OSBPL10: variants seen among roughly 807,000 people sequenced by gnomAD.
OSBPL10 encodes the protein oxysterol binding protein like 10.
Under a neutral mutation model 81.7 loss-of-function variants are expected in OSBPL10, and 49 were observed. That is an observed-to-expected ratio of 0.60 (90% CI 0.48 to 0.76). The LOEUF (loss-of-function observed/expected upper bound fraction) is 0.76, where lower values mean the gene tolerates loss of function less well. Among genes scored for constraint, OSBPL10 ranks in the 30% least tolerant of loss-of-function variants. OSBPL10 has a pLI of 0.00. For missense variants in OSBPL10, 923 were observed against 987.8 expected (o/e 0.93, Z 0.88); for synonymous variants, 419 against 383.6 (o/e 1.09, Z -1.08).
intron 2 of OSBPL10, among the ~76,000 whole-genome samples, chr3:32,022,445 G>T (rs1017757366): frequency 1.3e-5 from 2 of 152,096 alleles, no homozygotes; most frequent in Admixed American, 6.5e-5. Flanking sequence ...TAAAAAGGTG[G>T]GACATCTTGA....
At chr3:31,816,100 G>A (rs985677286) in intron 4 of OSBPL10, among the ~76,000 whole-genome samples, 1 of 75,876 alleles carries the variant, frequency 1.3e-5, no homozygotes, top group African/African-American at 3.9e-5. Context: ...AGGTTTGAAA[G>A]GTATAAAGTC....
chr3:31,733,738 G>T (rs1478980403), intron 5 of OSBPL10, among the ~76,000 whole-genome samples: 1 of 145,148 alleles, frequency 6.9e-6, no homozygotes, highest in Admixed American at 7.0e-5. Flanking sequence ...TTCTGGCCAG[G>T]TGCGGTGGCT....
At chr3:31,670,694 A>G (rs1188805031) in intron 9 of OSBPL10, 103 bp downstream of exon 9, 2 of 1,298,304 alleles carry the variant, frequency 1.5e-6, no homozygotes, top group East Asian at 4.7e-5. Flanking sequence ...GTTTATCTTG[A>G]TTTTCAACTC....
chr3:31,730,059 G>C (rs1184415476), intron 6 of OSBPL10, among the ~76,000 whole-genome samples: 1 of 152,152 alleles, frequency 6.6e-6, no homozygotes, highest in Non-Finnish European at 1.5e-5. Context: ...AGTTAAGAGA[G>C]TGGCCGGGCA....
At chr3:32,059,610 A>C (rs1424344666) in intron 1 of OSBPL10, among the ~76,000 whole-genome samples, 1 of 147,260 alleles carries the variant, frequency 6.8e-6, no homozygotes, top group Non-Finnish European at 1.5e-5. Context: ...AAACAAAACA[A>C]AACAAAAAAC....
Position 31,710,105 on chromosome 3 carries a change from C to T in OSBPL10, c.1096-7597G>A, listed in dbSNP as rs563542665. Among the ~76,000 whole-genome samples the T allele has an allele frequency of 1.3e-5, 2 of 152,280 alleles. 1 individual carries two copies. The highest frequency in any genetic ancestry group is 4.1e-4 in the South Asian group (2 of 4,828). On this transcript the variant is annotated intron_variant, in intron 6 of 11. Transcript: ENST00000396556. ...GAGACAGAGATGCACAAAAGGAAAGCTTGGAGATCTGGCTGCAGATAGTCC... is the reference window on the plus strand; with the variant it reads ...GAGACAGAGATGCACAAAAGGAAAGTTTGGAGATCTGGCTGCAGATAGTCC...
At chr3:31,750,855 T>C (rs547666041) in intron 4 of OSBPL10, among the ~76,000 whole-genome samples, 1 of 152,300 alleles carries the variant, frequency 6.6e-6, no homozygotes, top group Admixed American at 6.5e-5. Flanking sequence ...AAAAGAACTA[T>C]ATTCCAATTA....
chr3:31,877,378 CAA>C (rs2080229642), intron 2 of OSBPL10, among the ~76,000 whole-genome samples: 1 of 152,124 alleles, frequency 6.6e-6, no homozygotes, highest in African/African-American at 2.4e-5. Flanking sequence ...AAATTTCCCC[CAA>C]AGAGATATTA....
chr3:31,860,573 TCTG>T (rs1424151583), intron 3 of OSBPL10, among the ~76,000 whole-genome samples: 1 of 152,236 alleles, frequency 6.6e-6, no homozygotes, highest in East Asian at 1.9e-4. Flanking sequence ...CCACATCTTA[TCTG>T]ATGACCTGAC....
intron 2 of OSBPL10, among the ~76,000 whole-genome samples, chr3:32,016,448 G>A (rs1405721752): frequency 1.3e-5 from 2 of 152,112 alleles, no homozygotes; most frequent in Non-Finnish European, 2.9e-5. Flanking sequence ...GCCTGTTGTG[G>A]GGTTGGGGGA....
In OSBPL10 at chr3:31,680,846, A is replaced by C. The variant is rs529882027; in HGVS notation, c.1726+2788T>G. Among the ~76,000 whole-genome samples the C allele has an allele frequency of 1.2e-3, 182 of 152,320 alleles. 1 individual carries two copies. Among genetic ancestry groups the C allele is most frequent in the African/African-American group, 4.1e-3 (169 of 41,570 alleles). ...CATCACTGGTAACAACTCCTCTTTA[A>C]GAAGAGAGACCACTTCAGGCATCCA... On this transcript the variant is annotated intron_variant, in intron 8 of 11. Transcript: ENST00000396556.
At chr3:31,817,260 G>A (rs1699860836) in intron 4 of OSBPL10, among the ~76,000 whole-genome samples, 2 of 152,182 alleles carry the variant, frequency 1.3e-5, no homozygotes, top group Admixed American at 6.5e-5. Flanking sequence ...CCCCCTTCTA[G>A]CAGGACTCTC....
chr3:31,694,370 CAAAAAAAAAAAAAAAAAA>C (rs747631578), intron 7 of OSBPL10, among the ~76,000 whole-genome samples: 1 of 62,828 alleles, frequency 1.6e-5, no homozygotes, highest in Non-Finnish European at 2.6e-5. Flanking sequence ...GACTCTGTCT[CAAAAAAAAAAAAAAAAAA>C]AAAAAAAAAG....
At chr3:31,733,762 C>T (rs1697056286) in intron 5 of OSBPL10, among the ~76,000 whole-genome samples, 1 of 147,240 alleles carries the variant, frequency 6.8e-6, no homozygotes, top group Admixed American at 6.8e-5. Flanking sequence ...GCCTGTAATC[C>T]CAGCACTTTG....
At chr3:31,805,729 G>A (rs1347001935) in intron 4 of OSBPL10, among the ~76,000 whole-genome samples, 1 of 152,164 alleles carries the variant, frequency 6.6e-6, no homozygotes, top group Non-Finnish European at 1.5e-5. Context: ...GCCTCATTTA[G>A]TAGACAAAAA....
At chr3:32,036,911 T>C (rs1699524672) in intron 2 of OSBPL10, among the ~76,000 whole-genome samples, 1 of 152,182 alleles carries the variant, frequency 6.6e-6, no homozygotes, top group African/African-American at 2.4e-5. Context: ...GGAGCTTACT[T>C]ATCCTCATTC....
At chr3:31,710,164 T>C (rs1170635074) in intron 6 of OSBPL10, among the ~76,000 whole-genome samples, 1 of 152,196 alleles carries the variant, frequency 6.6e-6, no homozygotes, top group East Asian at 1.9e-4. Context: ...ATGCCCCACC[T>C]GTAAGGCTCA....
At chr3:31,781,708 C>T (rs899958187) in intron 4 of OSBPL10, among the ~76,000 whole-genome samples, 4 of 152,080 alleles carry the variant, frequency 2.6e-5, no homozygotes, top group Admixed American at 2.0e-4. Context: ...TTTACAACAA[C>T]TATAAAAGTA....
intron 2 of OSBPL10, among the ~76,000 whole-genome samples, chr3:32,027,336 A>G (rs1289868569): frequency 6.6e-6 from 1 of 152,210 alleles, no homozygotes; most frequent in Non-Finnish European, 1.5e-5. Context: ...ATTATGTAGG[A>G]AAACAATGAA....
Sources: allele counts gnomAD v4.1 joint callset (sites outside exome capture counted in the v4.1 genomes callset), GRCh38; gene constraint gnomAD v4.1.1; transcripts MANE v1.5; gene names NCBI Gene and HGNC (gene_info 2026-07-23, HGNC 2026-07-21).